The following FBXO8 variants were observed in gnomAD, a reference collection of about 807,000 sequenced individuals.
The protein encoded by FBXO8 is F-box only protein 8.
A neutral mutation model predicts 33.4 loss-of-function variants in FBXO8; 15 were observed. The ratio of observed to expected loss-of-function variants is 0.45; its 90% CI spans 0.30 to 0.69. The LOEUF is 0.69. Among genes scored for constraint, FBXO8 ranks in the 30% least tolerant of loss-of-function variants. FBXO8 has a pLI of 0.08. For synonymous variants in FBXO8, 132 were observed against 131.5 expected (o/e 1.00, Z -0.02); for missense variants, 274 against 380.3 (o/e 0.72, Z 2.32).
chr4:174,252,128 C>G lies in FBXO8; in HGVS notation c.456+7571G>C, dbSNP rs1736300795. 6.6e-6 allele frequency among the ~76,000 whole-genome samples: 1 copy of G among 152,022 alleles called. No homozygotes were observed. Among genetic ancestry groups the G allele is most frequent in the African/African-American group, 2.4e-5 (1 of 41,398 alleles). ...CGACTCCAGACACATGCTATCATAC[C>G]CGGTTAATTTCTGTATTTTTTGTAG... On this transcript the variant is annotated intron_variant, in intron 3 of 5. Transcript: ENST00000393674. This position sits in a 1 kb window ranked among gnomAD's most constrained non-coding sequence, Gnocchi z 5.1.
chr4:174,238,086 C>T (rs1579014994), intron 5 of FBXO8, among the ~76,000 whole-genome samples: 1 of 151,702 alleles, frequency 6.6e-6, no homozygotes, highest in Non-Finnish European at 1.5e-5. Context: ...GACAAGAAAA[C>T]ATGAATCTGG....
intron 2 of FBXO8, among the ~76,000 whole-genome samples, chr4:174,260,071 C>T (rs142395318): frequency 4.0e-3 from 601 of 152,032 alleles, no homozygotes; most frequent in African/African-American, 0.014. Context: ...TTCATGAGTA[C>T]TATCTGAAGT....
intron 3 of FBXO8, among the ~76,000 whole-genome samples, chr4:174,258,309 GA>G (rs1325934650): frequency 1.3e-5 from 2 of 152,000 alleles, no homozygotes; most frequent in African/African-American, 4.8e-5. Flanking sequence ...AAAGGCATGA[GA>G]AAAAATGTGC....
chr4:174,264,136 T>C (rs573424439), intron 1 of FBXO8, among the ~76,000 whole-genome samples: 1 of 152,136 alleles, frequency 6.6e-6, no homozygotes, highest in Non-Finnish European at 1.5e-5. Flanking sequence ...ATACTAACTT[T>C]CCCATAAAAT....
Position 174,253,586 on chromosome 4 carries a change from A to G in FBXO8, c.456+6113T>C, listed in dbSNP as rs1736348062. On this transcript the variant is annotated intron_variant, in intron 3 of 5. Transcript: ENST00000393674. This position sits in a 1 kb window ranked among gnomAD's most constrained non-coding sequence, Gnocchi z 4.5. ...ATGTTTTAAGTGTATCACTAGTTAA[A>G]ATGGCGTTACAGATGCTTGGATGCC... Among the ~76,000 whole-genome samples, 1 of 152,168 alleles carries G rather than the reference A, an allele frequency of 6.6e-6. No individual in the cohort carries two copies. The highest frequency in any genetic ancestry group is 6.5e-5 in the Admixed American group (1 of 15,272).
chr4:174,247,046 A>T lies in FBXO8; in HGVS notation c.457-5828T>A, dbSNP rs944931654. On this transcript the variant is annotated intron_variant, in intron 3 of 5. Transcript: ENST00000393674. This position sits in a 1 kb window ranked among gnomAD's most constrained non-coding sequence, Gnocchi z 4.6. ...TGTGAATTCAGCCCATCTCTTGTTA[A>T]GGTTAAGCAAAATCTACCATACATA... Among the ~76,000 whole-genome samples, 1 of 152,070 alleles carries T rather than the reference A, an allele frequency of 6.6e-6. No individual in the cohort carries two copies. The highest frequency in any genetic ancestry group is 1.5e-5 in the Non-Finnish European group (1 of 67,988).
rs554711762 is a variant in FBXO8, at chr4:174,238,937, C to T, written c.772+57G>A. ...AGTGAGACAAATGTCTCATATATCT[C>T]TGTTTTTACCTAAAGATGGGCAGGG... On this transcript the variant is annotated intron_variant, in intron 5 of 5. Transcript: ENST00000393674. 12 of 1,079,426 alleles carry T rather than the reference C, an allele frequency of 1.1e-5. 1 individual carries two copies. The South Asian group carries it at 3.2e-4, about 29-fold the overall frequency. 66.9% of individuals were successfully genotyped at this position (1,079,426 alleles called of 1,614,324 possible). A position where few individuals can be genotyped will look rare whatever the true frequency, so the allele number is the denominator to read the frequency against.
intron 3 of FBXO8, among the ~76,000 whole-genome samples, chr4:174,248,855 C>T (rs750028303): frequency 2.0e-4 from 31 of 151,928 alleles, no homozygotes; most frequent in Admixed American, 9.2e-4. Context: ...AAATTATCTG[C>T]AGTTAAAAGA....
rs1260841747 is a variant in FBXO8, at chr4:174,245,015, A to AT, written c.457-3798dup. ...TACATATATGCATCTGCTTTAAAAT[A>AT]TTTTTTAAAACATGAAGCAATACAT... On this transcript the variant is annotated intron_variant, in intron 3 of 5. Transcript: ENST00000393674. This position sits in a 1 kb window ranked among gnomAD's most constrained non-coding sequence, Gnocchi z 4.6. Among the ~76,000 whole-genome samples, 2 of 151,792 alleles carry AT rather than the reference A, an allele frequency of 1.3e-5. No individual in the cohort carries two copies. Among genetic ancestry groups the AT allele is most frequent in the Non-Finnish European group, 2.9e-5 (2 of 67,822 alleles).
chr4:174,272,459 T>C lies in FBXO8; in HGVS notation c.-8-9359A>G, dbSNP rs1034543125. 6.6e-6 allele frequency among the ~76,000 whole-genome samples: 1 copy of C among 152,224 alleles called. No homozygotes were observed. The highest frequency in any genetic ancestry group is 1.5e-5 in the Non-Finnish European group (1 of 68,042). ...ACTTTCTATTTTTTTCCAAATAGTTTCAATTGTGGTTGGATGACACTGGAT... is the reference window on the plus strand; with the variant it reads ...ACTTTCTATTTTTTTCCAAATAGTTCCAATTGTGGTTGGATGACACTGGAT... On this transcript the variant is annotated intron_variant, in intron 1 of 5. Transcript: ENST00000393674. This position sits in a 1 kb window ranked among gnomAD's most constrained non-coding sequence, Gnocchi z 4.7.
At chr4:174,279,135 T>C (rs1320946748) in intron 1 of FBXO8, among the ~76,000 whole-genome samples, 3 of 151,986 alleles carry the variant, frequency 2.0e-5, no homozygotes, top group Non-Finnish European at 4.4e-5. Context: ...CTAAAGATTC[T>C]ACCAAAAACT....
rs947860602 is a variant in FBXO8, at chr4:174,257,578, G to A, written c.456+2121C>T. On this transcript the variant is annotated intron_variant, in intron 3 of 5. Coordinates refer to ENST00000393674, the MANE Select transcript of FBXO8 (RefSeq NM_012180.3). The surrounding 1 kb of genome is among the most constrained non-coding windows in gnomAD (Gnocchi z 4.3). Reference sequence around the variant, plus strand: ...TCTCCTGATTCTTATGTACTGTACAGTACAGCACTGTACCATTCTGCCTCA... The same window carrying A: ...TCTCCTGATTCTTATGTACTGTACAATACAGCACTGTACCATTCTGCCTCA... Among the ~76,000 whole-genome samples the A allele has an allele frequency of 6.6e-6, 1 of 152,114 alleles. No homozygotes were observed. Among genetic ancestry groups the A allele is most frequent in the Non-Finnish European group, 1.5e-5 (1 of 68,014 alleles).
chr4:174,252,321 C>A lies in FBXO8; in HGVS notation c.456+7378G>T, dbSNP rs1256718773. The stretch of plus-strand genomic sequence containing the variant: ...TGCATTGAGGATTACATCTCAAACT[C>A]CTAAGAGTCTGGATAATAATAATAG... On this transcript the variant is annotated intron_variant, in intron 3 of 5. Transcript: ENST00000393674. This position sits in a 1 kb window ranked among gnomAD's most constrained non-coding sequence, Gnocchi z 5.1. 6.6e-6 allele frequency among the ~76,000 whole-genome samples: 1 copy of A among 152,026 alleles called. No homozygotes were observed. Among genetic ancestry groups the A allele is most frequent in the Admixed American group, 6.6e-5 (1 of 15,250 alleles).
At chr4:174,269,007 A>C (rs1393303746) in intron 1 of FBXO8, 1 of 152,026 alleles carries the variant, frequency 6.6e-6, no homozygotes, top group Non-Finnish European at 1.5e-5. Context: ...CAAAATTATA[A>C]ATAATGAAGA....
At chr4:174,269,705 A>G (rs4695915) in intron 1 of FBXO8, among the ~76,000 whole-genome samples, 50,460 of 151,598 alleles carry the variant, frequency 0.33, 8,901 homozygotes, top group Non-Finnish European at 0.37. Context: ...AATGGTAATA[A>G]AATGAATACT....
Position 174,283,591 on chromosome 4 carries a change from A to G in FBXO8, c.-190T>C. 3.4e-6 allele frequency: 1 copy of G among 297,720 alleles called. No homozygotes were observed. Among genetic ancestry groups the G allele is most frequent in the Non-Finnish European group, 6.1e-6 (1 of 163,030 alleles). The allele number at this position is 297,720 out of a possible 1,614,324, so 18.4% of individuals were successfully genotyped here. A position where few individuals can be genotyped will look rare whatever the true frequency, so the allele number is the denominator to read the frequency against. On this transcript the variant is annotated 5_prime_UTR_variant, in exon 1 of 6. Transcript: ENST00000393674. This position sits in a 1 kb window ranked among gnomAD's most constrained non-coding sequence, Gnocchi z 6.7. ...TGAGAATACCAGAAACAGCACTACG[A>G]CCCTCAGAACTCAGGGTACCTCCAG... is the stretch of plus-strand genomic sequence containing the variant.
rs10520275 is a variant in FBXO8, at chr4:174,261,426, G to C, written c.329+1338C>G. 0.32 allele frequency among the ~76,000 whole-genome samples: 48,882 copies of C among 151,594 alleles called. 8,433 individuals carry two copies. The highest frequency in any genetic ancestry group is 0.38 in the Non-Finnish European group (25,618 of 67,718). The stretch of plus-strand genomic sequence containing the variant: ...CCCAAATGAAGAATACATTCTGGTT[G>C]ACTTCAGGTAAGGCTAGAAATTAAA... On this transcript the variant is annotated intron_variant, in intron 2 of 5. Transcript: ENST00000393674. This position sits in a 1 kb window ranked among gnomAD's most constrained non-coding sequence, Gnocchi z 4.1.
At chr4:174,246,207 T>C (rs770374055) in intron 3 of FBXO8, among the ~76,000 whole-genome samples, 2 of 151,860 alleles carry the variant, frequency 1.3e-5, no homozygotes, top group Non-Finnish European at 2.9e-5. Flanking sequence ...AGAGCACCAT[T>C]TTTAGGACAG....
chr4:174,266,677 T>G (rs1736703461), intron 1 of FBXO8, among the ~76,000 whole-genome samples: 1 of 152,182 alleles, frequency 6.6e-6, no homozygotes, highest in African/African-American at 2.4e-5. Context: ...AGACCTGGGT[T>G]TAAATCCTGA....
Sources: allele counts gnomAD v4.1 joint callset (sites outside exome capture counted in the v4.1 genomes callset), GRCh38; gene constraint gnomAD v4.1.1; non-coding constraint Gnocchi (gnomAD v3.1); transcripts MANE v1.5; gene names NCBI Gene and HGNC (gene_info 2026-07-23, HGNC 2026-07-21).